Variants in VTI1A observed in about 807,000 individuals in gnomAD.
VTI1A encodes vesicle transport through interaction with t-SNAREs 1A.
VTI1A carries 22 observed loss-of-function variants against 34.9 expected under a neutral mutation model. That is an observed-to-expected ratio of 0.63 (90% confidence interval 0.45 to 0.90). VTI1A has a LOEUF of 0.90. Ranked by LOEUF, VTI1A falls within the 40% of genes least tolerant of loss-of-function variation. The pLI is 0.00. For missense variants in VTI1A, 268 were observed against 275.6 expected (o/e 0.97, Z 0.20); for synonymous variants, 87 against 97.3 (o/e 0.89, Z 0.62).
chr10:112,643,509 G>C (rs987344566), intron 5 of VTI1A, among the ~76,000 whole-genome samples: 1 of 152,094 alleles, frequency 6.6e-6, no homozygotes, highest in Admixed American at 6.6e-5. Context: ...AAGCCCTGAA[G>C]TGTGTTACAC....
chr10:112,698,396 T>G (rs1848871032), intron 7 of VTI1A, among the ~76,000 whole-genome samples: 1 of 152,222 alleles, frequency 6.6e-6, no homozygotes, highest in African/African-American at 2.4e-5. Flanking sequence ...CCCCAGTTTT[T>G]GCTTACACTA....
At chr10:112,596,551 G>A (rs1046719394) in intron 5 of VTI1A, among the ~76,000 whole-genome samples, 6 of 152,038 alleles carry the variant, frequency 3.9e-5, no homozygotes, top group African/African-American at 9.7e-5. Context: ...ATTTCTTAGT[G>A]ATAAATTTTT....
At chr10:112,472,991 ATCACC>A (rs1250000917) in intron 3 of VTI1A, among the ~76,000 whole-genome samples, 1 of 151,206 alleles carries the variant, frequency 6.6e-6, no homozygotes, top group African/African-American at 2.4e-5. Context: ...GAAAAAAAAA[ATCACC>A]AGTAGCCCTA....
At chr10:112,739,768 G>C (rs1457109601) in intron 7 of VTI1A, among the ~76,000 whole-genome samples, 1 of 152,188 alleles carries the variant, frequency 6.6e-6, no homozygotes, top group Non-Finnish European at 1.5e-5. Context: ...AATAACAGTG[G>C]ACTATTGAAC....
chr10:112,679,733 T>G (rs1258853316), intron 7 of VTI1A, among the ~76,000 whole-genome samples: 1 of 151,986 alleles, frequency 6.6e-6, no homozygotes, highest in Non-Finnish European at 1.5e-5. Context: ...CCCACCTATC[T>G]TCCAATGGCT....
At chr10:112,463,927 G>T (rs1175329177) in intron 2 of VTI1A, among the ~76,000 whole-genome samples, 1 of 152,212 alleles carries the variant, frequency 6.6e-6, no homozygotes, top group Non-Finnish European at 1.5e-5. Flanking sequence ...TGGATTGAAT[G>T]ATGGGCTATT....
chr10:112,734,884 G>A (rs910852187), intron 7 of VTI1A, among the ~76,000 whole-genome samples: 3 of 151,662 alleles, frequency 2.0e-5, no homozygotes, highest in Non-Finnish European at 2.9e-5. Context: ...CGCCCATCTC[G>A]GCCTCCCAAA....
chr10:112,799,323 C>T (rs1025590159), intron 7 of VTI1A, among the ~76,000 whole-genome samples: 1 of 152,172 alleles, frequency 6.6e-6, no homozygotes, highest in Admixed American at 6.5e-5. Flanking sequence ...GTGAGTCTAC[C>T]CCACAGATGT....
intron 7 of VTI1A, among the ~76,000 whole-genome samples, chr10:112,806,434 C>A (rs970149685): frequency 6.6e-6 from 1 of 151,898 alleles, no homozygotes; most frequent in East Asian, 1.9e-4. Context: ...TACAGGCACA[C>A]GCCACCACAC....
At chr10:112,561,403 G>A (rs1439992845) in intron 5 of VTI1A, among the ~76,000 whole-genome samples, 2 of 152,130 alleles carry the variant, frequency 1.3e-5, no homozygotes, top group African/African-American at 4.8e-5. Flanking sequence ...TATAATGTTT[G>A]TTTCGCTGAA....
intron 5 of VTI1A, among the ~76,000 whole-genome samples, chr10:112,606,205 A>G (rs888730255): frequency 6.6e-6 from 1 of 151,794 alleles, no homozygotes; most frequent in Non-Finnish European, 1.5e-5. Context: ...TTGTATTTTT[A>G]GTAGAGATGG....
intron 7 of VTI1A, among the ~76,000 whole-genome samples, chr10:112,788,407 T>C (rs1402843655): frequency 6.6e-6 from 1 of 152,216 alleles, no homozygotes; most frequent in East Asian, 1.9e-4. Flanking sequence ...TCCTTTTTTG[T>C]TCCTAAGACT....
intron 2 of VTI1A, among the ~76,000 whole-genome samples, chr10:112,462,030 A>G (rs1330535455): frequency 6.6e-6 from 1 of 151,912 alleles, no homozygotes; most frequent in Non-Finnish European, 1.5e-5. Context: ...TTGTATTTTC[A>G]GTAGAGACAG....
chr10:112,536,693 T>G (rs1372909504), intron 4 of VTI1A, among the ~76,000 whole-genome samples: 2 of 152,040 alleles, frequency 1.3e-5, no homozygotes, highest in African/African-American at 4.8e-5. Context: ...TTCCTGACCT[T>G]CACATCAGGT....
chr10:112,847,926 A>T, the VTI1A span, among the ~76,000 whole-genome samples: 1 of 152,232 alleles, frequency 6.6e-6, no homozygotes, highest in Admixed American at 6.5e-5. Flanking sequence ...ATAAGTAAAG[A>T]AGAAACCATC....
At chr10:112,623,333 C>A (rs1845798816) in intron 5 of VTI1A, among the ~76,000 whole-genome samples, 1 of 152,060 alleles carries the variant, frequency 6.6e-6, no homozygotes, top group Admixed American at 6.6e-5. Context: ...GCTGAAAACA[C>A]CATGTTCCCA....
intron 5 of VTI1A, among the ~76,000 whole-genome samples, chr10:112,626,872 C>A (rs1490953938): frequency 6.6e-6 from 1 of 152,238 alleles, no homozygotes; most frequent in Non-Finnish European, 1.5e-5. Flanking sequence ...AATGCAGCCA[C>A]AAAGCCTGCA....
At chr10:112,711,016 A>G (rs1449470094) in intron 7 of VTI1A, among the ~76,000 whole-genome samples, 2 of 152,254 alleles carry the variant, frequency 1.3e-5, no homozygotes, top group Non-Finnish European at 2.9e-5. Context: ...CTGAATAGTA[A>G]TAACATTTTA....
At chr10:112,679,108 T>G (rs2133855840) in intron 7 of VTI1A, among the ~76,000 whole-genome samples, 1 of 152,334 alleles carries the variant, frequency 6.6e-6, no homozygotes, top group Admixed American at 6.5e-5. Context: ...AAATGGCTCC[T>G]TTTCATGATT....
Sources: gnomAD v4.1 joint callset for allele counts (sites outside exome capture counted in the v4.1 genomes callset) on GRCh38, gnomAD v4.1.1 for gene constraint, MANE v1.5 for transcripts, NCBI Gene and HGNC (gene_info 2026-07-23, HGNC 2026-07-21) for gene names.